TECPR2: variants seen among roughly 807,000 people sequenced by gnomAD.
TECPR2 encodes tectonin beta-propeller repeat-containing protein 2.
TECPR2 carries 65 observed loss-of-function variants against 138.1 expected under a neutral mutation model. The ratio of observed to expected loss-of-function variants is 0.47; its 90% CI spans 0.39 to 0.58. TECPR2 has a LOEUF of 0.58. Among genes scored for constraint, TECPR2 ranks in the 20% least tolerant of loss-of-function variants. The pLI, the probability that TECPR2 is intolerant of heterozygous loss-of-function variation, is 0.00. For missense variants in TECPR2, 1,553 were observed against 1,824.5 expected, an observed-to-expected ratio of 0.85 and a Z score of 2.71; for synonymous variants, 746 against 749.8, an observed-to-expected ratio of 0.99 and a Z score of 0.08.
chr14:102,385,263 G>A (rs1259279191), intron 2 of TECPR2, among the ~76,000 whole-genome samples: 1 of 152,026 alleles, frequency 6.6e-6, no homozygotes, highest in African/African-American at 2.4e-5. Context: ...TCCAGTCCTT[G>A]GAGAGTGAGC....
At position 102,498,941 on chromosome 14, in the gene TECPR2, TCACCA is replaced by T; in HGVS notation, c.*692_*696del. ...GCACTGCACCATACCTCACCACATC[TCACCA>T]CACCACAGCACACCTCACCACACAA... On this transcript the variant is annotated 3_prime_UTR_variant, in exon 20 of 20. Transcript: ENST00000359520. The T allele has an allele frequency of 1.5e-6, 1 of 685,762 alleles. No individual in the cohort carries two copies. The highest frequency in any genetic ancestry group is 1.5e-5 in the South Asian group (1 of 66,350). The allele number at this position is 685,762 out of a possible 1,614,324, so 42.5% of individuals were successfully genotyped here. A position where few individuals can be genotyped will look rare whatever the true frequency, so the allele number is the denominator to read the frequency against.
intron 13 of TECPR2, 147 bp downstream of exon 13, chr14:102,446,094 T>C: frequency 9.1e-7 from 1 of 1,099,908 alleles, no homozygotes; most frequent in Non-Finnish European, 1.2e-6. Flanking sequence ...TGAAACAAGA[T>C]CTCCTTCCGT....
At chr14:102,395,451 C>T (rs1018104327) in intron 2 of TECPR2, among the ~76,000 whole-genome samples, 2 of 152,226 alleles carry the variant, frequency 1.3e-5, no homozygotes, top group African/African-American at 4.8e-5. Flanking sequence ...AAAGACCACT[C>T]AGACCAGAAG....
chr14:102,498,710 G>C lies in TECPR2; in HGVS notation c.*453G>C, dbSNP rs3742437. 14 of 425,060 alleles carry C rather than the reference G, an allele frequency of 3.3e-5. No homozygotes were observed. The highest frequency in any genetic ancestry group is 1.9e-4 in the South Asian group (10 of 52,938). The allele number at this position is 425,060 out of a possible 1,614,324, so 26.3% of individuals were successfully genotyped here. On this transcript the variant is annotated 3_prime_UTR_variant, in exon 20 of 20. Coordinates refer to ENST00000359520, the MANE Select transcript of TECPR2 (RefSeq NM_014844.5). ...GCTCTCTGCAGCGCGGGATGTGCTC[G>C]GTGATGGCTTTGTCCCATCATAGGG...
intron 17 of TECPR2, among the ~76,000 whole-genome samples, chr14:102,476,476 G>A (rs1477963837): frequency 6.6e-6 from 1 of 152,020 alleles, no homozygotes; most frequent in African/African-American, 2.4e-5. Context: ...ATTAATGGCA[G>A]CATAGAAATT....
At chr14:102,458,967 A>G (rs1045776564) in intron 16 of TECPR2, among the ~76,000 whole-genome samples, 3 of 9,794 alleles carry the variant, frequency 3.1e-4, no homozygotes, top group African/African-American at 1.8e-3. Flanking sequence ...AAATACACAC[A>G]TATATATATA....
At chr14:102,428,122 G>A (rs1889373531) in intron 6 of TECPR2, 128 bp from the exon 7 acceptor site, 1 of 1,256,298 alleles carries the variant, frequency 8.0e-7, no homozygotes, top group Non-Finnish European at 1.1e-6. Flanking sequence ...TTTTCAGAAA[G>A]TTACCATAGT....
At chr14:102,363,703 C>T (rs763922080) in intron 1 of TECPR2, among the ~76,000 whole-genome samples, 9 of 152,240 alleles carry the variant, frequency 5.9e-5, no homozygotes, top group Non-Finnish European at 1.2e-4. Flanking sequence ...TCCCAGCGGC[C>T]CCTTCCTAGC....
chr14:102,496,128 G>A (rs1013464144), intron 17 of TECPR2, among the ~76,000 whole-genome samples: 1 of 152,258 alleles, frequency 6.6e-6, no homozygotes, highest in African/African-American at 2.4e-5. Context: ...GTCCCATGGA[G>A]GCCGACCAGG....
chr14:102,452,857 C>G (rs1358370881), intron 16 of TECPR2, among the ~76,000 whole-genome samples: 1 of 152,148 alleles, frequency 6.6e-6, no homozygotes, highest in Admixed American at 6.5e-5. Flanking sequence ...TGTCAGAACC[C>G]GAGGAGGGTG....
chr14:102,490,041 G>A (rs1891121148), intron 17 of TECPR2, among the ~76,000 whole-genome samples: 2 of 152,088 alleles, frequency 1.3e-5, no homozygotes, highest in Admixed American at 1.3e-4. Context: ...AATACAGTGA[G>A]TTTATAAAAT....
intron 13 of TECPR2, 81 bp downstream of exon 13, chr14:102,446,028 A>G: frequency 1.4e-6 from 2 of 1,448,480 alleles, no homozygotes; most frequent in Non-Finnish European, 1.9e-6. Flanking sequence ...TCTTTTCCTT[A>G]ACGATACTAG....
Position 102,363,121 on chromosome 14 carries a change from G to C in TECPR2, c.-73+5G>C, listed in dbSNP as rs1887225354. 2.6e-6 allele frequency: 1 copy of C among 387,312 alleles called. No individual in the cohort carries two copies. The highest frequency in any genetic ancestry group is 2.1e-5 in the African/African-American group (1 of 47,422). 24.0% of individuals were successfully genotyped at this position (387,312 alleles called of 1,614,324 possible). On this transcript the variant is annotated splice_donor_5th_base_variant and intron_variant, in intron 1 of 19. Transcript: ENST00000359520. ...CCGGAGGGGCTGCCGCGGGAGGTGA[G>C]TCCGGCGACGCCGCAAGCGGCCCCG...
chr14:102,465,878 C>T (rs1890541593), intron 17 of TECPR2, among the ~76,000 whole-genome samples: 1 of 152,178 alleles, frequency 6.6e-6, no homozygotes, highest in Non-Finnish European at 1.5e-5. Flanking sequence ...AAAGATCCCA[C>T]AGGCTTGGTT....
rs115400112 is a variant in TECPR2 at position 102,460,231 on chromosome 14, C to T, written c.3641-4910C>T. Among the ~76,000 whole-genome samples the T allele has an allele frequency of 9.8e-3, 1,484 of 152,122 alleles. 20 individuals are homozygous for T. The highest frequency in any genetic ancestry group is 0.034 in the African/African-American group (1,406 of 41,498). Reference sequence around the variant, plus strand: ...GCTCCAGTGAGCCAAGATTATGCCACTGCTGAGCCAAGATGGTGCCACTGC... The same window carrying T: ...GCTCCAGTGAGCCAAGATTATGCCATTGCTGAGCCAAGATGGTGCCACTGC... On this transcript the variant is annotated intron_variant, in intron 16 of 19. Transcript: ENST00000359520.
chr14:102,479,358 G>T (rs931429359), intron 17 of TECPR2, among the ~76,000 whole-genome samples: 9 of 152,208 alleles, frequency 5.9e-5, no homozygotes, highest in African/African-American at 1.2e-4. Context: ...GGGCTTCTAG[G>T]CTCCTGGCAG....
intron 7 of TECPR2, 81 bp from the exon 8 acceptor site, chr14:102,431,715 T>G: frequency 7.3e-7 from 1 of 1,377,388 alleles, no homozygotes; most frequent in Non-Finnish European, 9.8e-7. Flanking sequence ...ACAACTGGTA[T>G]TTAGGGCTAG....
At chr14:102,369,979 A>T (rs1269255897) in intron 1 of TECPR2, among the ~76,000 whole-genome samples, 9 of 151,874 alleles carry the variant, frequency 5.9e-5, no homozygotes, top group Admixed American at 2.6e-4. Flanking sequence ...ACAAACAAGC[A>T]AACAAACAAA....
At position 102,434,639 on chromosome 14, in the gene TECPR2, C is replaced by G; in HGVS notation, c.1822C>G (p.Pro608Ala). ...TGAGCCGTGTCCTGCAGATGATGGACCAAATAGCACACAGTTACCCTTCCA... is the reference window on the plus strand; with the variant it reads ...TGAGCCGTGTCCTGCAGATGATGGAGCAAATAGCACACAGTTACCCTTCCA... ...GDEPCPADDG[P>A]NSTQLPFQEQ... Residue 608 changes from proline (P) to alanine (A), a missense_variant, in exon 9 of 20, where the codon CCA becomes GCA. Physicochemically the swap from Pro to Ala is conservative, Grantham distance 27 (BLOSUM62 -1). Coordinates refer to ENST00000359520, the MANE Select transcript of TECPR2 (RefSeq NM_014844.5). 6.3e-7 allele frequency: 1 copy of G among 1,596,664 alleles called. No individual in the cohort carries two copies. Among genetic ancestry groups the G allele is most frequent in the Non-Finnish European group, 8.6e-7 (1 of 1,168,186 alleles).
Sources: gnomAD v4.1 joint callset for allele counts (sites outside exome capture counted in the v4.1 genomes callset) on GRCh38, gnomAD v4.1.1 for gene constraint, MANE v1.5 for transcripts, NCBI Gene and HGNC (gene_info 2026-07-23, HGNC 2026-07-21) for gene names.